The following CFAP299 variants were observed in gnomAD, a reference collection of about 807,000 sequenced individuals.
CFAP299 encodes the protein cilia and flagella associated protein 299.
Under a neutral mutation model 27.0 loss-of-function variants are expected in CFAP299, and 21 were observed. The ratio of observed to expected loss-of-function variants is 0.78; its 90% CI spans 0.55 to 1.12. CFAP299 has a LOEUF of 1.12. Among genes scored for constraint, CFAP299 ranks in the 50% most tolerant of loss-of-function variants. The probability of loss-of-function intolerance (pLI) is 0.00; values close to 1 mark genes in which losing one functional copy is unlikely to be tolerated. For missense variants in CFAP299, 310 were observed against 276.6 expected (o/e 1.12, Z -0.86); for synonymous variants, 104 against 98.1 (o/e 1.06, Z -0.36).
At chr4:80,916,715 C>T (rs1405573253) in intron 4 of CFAP299, among the ~76,000 whole-genome samples, 1 of 151,826 alleles carries the variant, frequency 6.6e-6, no homozygotes, top group Non-Finnish European at 1.5e-5. Flanking sequence ...GAAAACAGAA[C>T]AATTATTGCA....
chr4:80,656,861 A>G (rs931779930), intron 3 of CFAP299, among the ~76,000 whole-genome samples: 7 of 152,074 alleles, frequency 4.6e-5, no homozygotes, highest in Non-Finnish European at 8.8e-5. Flanking sequence ...AACTGTTCCT[A>G]TTACTCCACA....
chr4:80,713,424 G>A (rs1207933044), intron 3 of CFAP299, among the ~76,000 whole-genome samples: 1 of 152,138 alleles, frequency 6.6e-6, no homozygotes, highest in East Asian at 1.9e-4. Flanking sequence ...GACCTAAACT[G>A]TTCTTATTCC....
At chr4:80,480,874 A>G (rs961056251) in intron 2 of CFAP299, among the ~76,000 whole-genome samples, 1 of 152,082 alleles carries the variant, frequency 6.6e-6, no homozygotes, top group African/African-American at 2.4e-5. Context: ...TTTTAAAATT[A>G]TTCTGTATTA....
rs1405004623 is a variant in CFAP299, at chr4:80,537,935, A to G, written c.243-45158A>G. Reference sequence around the variant, plus strand: ...ACATCATGTTCTATGCTGAAAATGTATAAAATTTTTGTCAAAAATAAAATA... The same window carrying G: ...ACATCATGTTCTATGCTGAAAATGTGTAAAATTTTTGTCAAAAATAAAATA... On this transcript the variant is annotated intron_variant, in intron 2 of 5. Coordinates refer to ENST00000358105, the MANE Select transcript of CFAP299 (RefSeq NM_152770.3). Among the ~76,000 whole-genome samples the G allele has an allele frequency of 2.6e-5, 4 of 152,294 alleles. No individual in the cohort carries two copies. The South Asian group carries it at 6.2e-4, about 24-fold the overall frequency.
At chr4:80,429,736 AT>A (rs757085457) in intron 2 of CFAP299, among the ~76,000 whole-genome samples, 1 of 152,148 alleles carries the variant, frequency 6.6e-6, no homozygotes, top group Non-Finnish European at 1.5e-5. Flanking sequence ...CATAACTATG[AT>A]TCTATATGAT....
Position 80,781,463 on chromosome 4 carries a change from A to T in CFAP299, c.334-88530A>T, listed in dbSNP as rs574508240. On this transcript the variant is annotated intron_variant, in intron 3 of 5. Transcript: ENST00000358105. Reference sequence around the variant, plus strand: ...AAGAGTAAATTATTTTTGTGACTTTATCCTAAAGGAATGGGTTTCATAAAA... The same window carrying T: ...AAGAGTAAATTATTTTTGTGACTTTTTCCTAAAGGAATGGGTTTCATAAAA... Among the ~76,000 whole-genome samples the T allele has an allele frequency of 2.6e-5, 4 of 152,146 alleles. No individual in the cohort carries two copies. In the South Asian group the frequency reaches 8.3e-4, roughly 32 times the overall value.
At chr4:80,476,625 A>G (rs1730284699) in intron 2 of CFAP299, among the ~76,000 whole-genome samples, 1 of 151,690 alleles carries the variant, frequency 6.6e-6, no homozygotes, top group African/African-American at 2.4e-5. Context: ...TTTTATACCA[A>G]CTCTGGGGGT....
At chr4:80,659,323 C>T (rs563862642) in intron 3 of CFAP299, among the ~76,000 whole-genome samples, 1 of 151,446 alleles carries the variant, frequency 6.6e-6, no homozygotes, top group Non-Finnish European at 1.5e-5. Context: ...ATTCTGATTT[C>T]TAACCATCAA....
chr4:80,362,618 G>A (rs1403259344), intron 1 of CFAP299, 136 bp from the exon 2 acceptor site: 1 of 912,982 alleles, frequency 1.1e-6, no homozygotes, highest in African/African-American at 1.7e-5. Flanking sequence ...AATAGATCAT[G>A]TCTAGTTTTT....
intron 4 of CFAP299, among the ~76,000 whole-genome samples, chr4:80,940,701 T>C (rs963103260): frequency 2.6e-5 from 4 of 152,204 alleles, no homozygotes; most frequent in African/African-American, 9.6e-5. Flanking sequence ...AAAAGTTACC[T>C]TCGTGAGTTT....
chr4:80,475,190 C>T (rs1272110664), intron 2 of CFAP299, among the ~76,000 whole-genome samples: 1 of 152,046 alleles, frequency 6.6e-6, no homozygotes, highest in South Asian at 2.1e-4. Context: ...AAGTTGAAGG[C>T]CATGTAAAGA....
rs543676378 is a variant in CFAP299 at position 80,647,486 on chromosome 4, TAGAA to T, written c.333+64306_333+64309del. The stretch of plus-strand genomic sequence containing the variant: ...AAATATTGCTAAATAATTAGTATAA[TAGAA>T]AGTCTCTGAATCTGTGCCTAGTGAC... On this transcript the variant is annotated intron_variant, in intron 3 of 5. Transcript: ENST00000358105. Among the ~76,000 whole-genome samples, 1,139 of 152,262 alleles carry T rather than the reference TAGAA, an allele frequency of 7.5e-3. 5 individuals carry two copies. Among genetic ancestry groups the T allele is most frequent in the Non-Finnish European group, 0.012 (827 of 68,022 alleles).
At chr4:80,585,441 A>G (rs927686246) in intron 3 of CFAP299, among the ~76,000 whole-genome samples, 5 of 152,140 alleles carry the variant, frequency 3.3e-5, no homozygotes, top group African/African-American at 1.2e-4. Context: ...CTCTATTACT[A>G]AGTTATTTTT....
rs185352757 is a variant in CFAP299 at position 80,782,720 on chromosome 4, G to A, written c.334-87273G>A. 6.2e-5 allele frequency among the ~76,000 whole-genome samples: 8 copies of A among 129,624 alleles called. 1 individual carries two copies. The highest frequency in any genetic ancestry group is 2.3e-4 in the African/African-American group (8 of 34,068). 85.0% of individuals were successfully genotyped at this position (129,624 alleles called of 152,430 possible). A position where few individuals can be genotyped will look rare whatever the true frequency, so the allele number is the denominator to read the frequency against. On this transcript the variant is annotated intron_variant, in intron 3 of 5. Coordinates refer to ENST00000358105, the MANE Select transcript of CFAP299 (RefSeq NM_152770.3). ...ATATTCATATATAATATACATATAT[G>A]AATATATAATATATTCACATATGGC...
At chr4:80,796,297 G>T (rs143691235) in intron 3 of CFAP299, among the ~76,000 whole-genome samples, 1 of 152,314 alleles carries the variant, frequency 6.6e-6, no homozygotes, top group East Asian at 1.9e-4. Flanking sequence ...CTGAAGTTTA[G>T]TTGGATTTAT....
At chr4:80,382,358 G>A (rs1226623712) in intron 2 of CFAP299, among the ~76,000 whole-genome samples, 1 of 152,154 alleles carries the variant, frequency 6.6e-6, no homozygotes, top group Non-Finnish European at 1.5e-5. Context: ...ATTAACTGCA[G>A]TGTTTCTGCA....
chr4:80,929,492 G>T (rs1323583982), intron 4 of CFAP299, among the ~76,000 whole-genome samples: 1 of 152,018 alleles, frequency 6.6e-6, no homozygotes, highest in Admixed American at 6.6e-5. Flanking sequence ...TACCCATCCA[G>T]TCTCTGAAGC....
chr4:80,468,315 C>G (rs903195454), intron 2 of CFAP299, among the ~76,000 whole-genome samples: 7 of 151,664 alleles, frequency 4.6e-5, no homozygotes, highest in Non-Finnish European at 5.9e-5. Context: ...CCTCTGCCTC[C>G]TGGGTTCAAG....
chr4:80,528,427 G>GTA (rs1733299447), intron 2 of CFAP299, among the ~76,000 whole-genome samples: 1 of 152,038 alleles, frequency 6.6e-6, no homozygotes, highest in African/African-American at 2.4e-5. Context: ...TCATAATGTG[G>GTA]TAGGCATCAG....
Sources: allele counts gnomAD v4.1 joint callset (sites outside exome capture counted in the v4.1 genomes callset), GRCh38; gene constraint gnomAD v4.1.1; transcripts MANE v1.5; gene names NCBI Gene and HGNC (gene_info 2026-07-23, HGNC 2026-07-21).